Variants in CATSPER2 observed in about 807,000 individuals in gnomAD.
The protein encoded by CATSPER2 is cation channel sperm-associated protein 2.
In CATSPER2, 56 loss-of-function variants were observed where a neutral mutation model predicts 68.8. The ratio of observed to expected loss-of-function variants is 0.81; its 90% CI spans 0.66 to 1.02. The LOEUF (loss-of-function observed/expected upper bound fraction) is 1.02, where lower values mean the gene tolerates loss of function less well. Among genes scored for constraint, CATSPER2 ranks in the 50% least tolerant of loss-of-function variants. The pLI, the probability that CATSPER2 is intolerant of heterozygous loss-of-function variation, is 0.00. For missense variants in CATSPER2, 582 were observed against 642.0 expected (o/e 0.91, Z 1.01); for synonymous variants, 198 against 229.9 (o/e 0.86, Z 1.26).
At chr15:43,638,603 G>C (rs945778318) in intron 7 of CATSPER2, among the ~76,000 whole-genome samples, 13 of 151,696 alleles carry the variant, frequency 8.6e-5, no homozygotes, top group Admixed American at 2.6e-4. Flanking sequence ...TTTCAAAAGA[G>C]GTAACTGAGT....
intron 4 of CATSPER2, among the ~76,000 whole-genome samples, chr15:43,645,441 T>C (rs1455218769): frequency 6.6e-6 from 1 of 151,674 alleles, no homozygotes; most frequent in African/African-American, 2.4e-5. Flanking sequence ...TTGAGGAAAA[T>C]ATCTGTGTGA....
chr15:43,648,289 G>A (rs1365054036), intron 1 of CATSPER2, among the ~76,000 whole-genome samples: 6 of 151,914 alleles, frequency 3.9e-5, no homozygotes, highest in Admixed American at 2.6e-4. Context: ...TCGACCAAGC[G>A]GCCAGGCATC....
chr15:43,630,646 C>T lies in CATSPER2; in HGVS notation c.*55G>A. On this transcript the variant is annotated 3_prime_UTR_variant, in exon 13 of 13. Transcript: ENST00000396879. ...TATATTTTCAATTCTCTATTTCCAACAATTCCCTTCATTATCTTTTGCTGG... is the reference window on the plus strand; with the variant it reads ...TATATTTTCAATTCTCTATTTCCAATAATTCCCTTCATTATCTTTTGCTGG... The T allele has an allele frequency of 6.2e-7, 1 of 1,608,264 alleles. No homozygotes were observed. The highest frequency in any genetic ancestry group is 2.2e-5 in the East Asian group (1 of 44,792).
rs1177967319 is a variant in CATSPER2, at chr15:43,629,541, T to G, written c.*1160A>C. ...TCATACATGTTAAACACTCAATAAG[T>G]GATATAATTTTTAATAATAAACATG... is the stretch of plus-strand genomic sequence containing the variant. On this transcript the variant is annotated 3_prime_UTR_variant, in exon 13 of 13. Transcript: ENST00000396879. 1 of 139,228 alleles carries G rather than the reference T, an allele frequency of 7.2e-6. No individual in the cohort carries two copies. Among genetic ancestry groups the G allele is most frequent in the Non-Finnish European group, 1.5e-5 (1 of 67,104 alleles). 8.6% of individuals were successfully genotyped at this position (139,228 alleles called of 1,614,324 possible).
chr15:43,637,939 C>CTTTTTTTTTTTTTTTTTT (rs780808346), intron 7 of CATSPER2, among the ~76,000 whole-genome samples: 1 of 143,666 alleles, frequency 7.0e-6, no homozygotes. Context: ...TGCTATTATT[C>CTTTTTTTTTTTTTTTTTT]TTTTTTTTTT....
intron 4 of CATSPER2, among the ~76,000 whole-genome samples, chr15:43,641,603 G>T (rs1329950911): frequency 6.6e-6 from 1 of 151,624 alleles, no homozygotes. Flanking sequence ...TCATCCTGAT[G>T]CTGAACTGAA....
Position 43,648,040 on chromosome 15 carries a change from C to G in CATSPER2, c.22G>C (p.Glu8Gln), listed in dbSNP as rs537438961. ...TCAGCTCGGGGAAGCTGCATCTGCT[C>G]TTCTTGTTGGTAAGCGGCCATGTCT... Reference protein sequence around the residue: MAAYQQEEQMQLPRADAI... With the variant: MAAYQQEQQMQLPRADAI... The change falls in exon 2 of 13, where the codon GAG becomes CAG. Residue 8 changes from glutamate (E) to glutamine (Q), a missense_variant. By Grantham distance (29) the Glu-to-Gln change is conservative. Transcript: ENST00000396879. 5 of 1,613,690 alleles carry G rather than the reference C, an allele frequency of 3.1e-6. No individual in the cohort carries two copies. Among genetic ancestry groups the G allele is most frequent in the Non-Finnish European group, 4.2e-6 (5 of 1,179,760 alleles).
chr15:43,648,446 G>T (rs1319804978), intron 1 of CATSPER2, among the ~76,000 whole-genome samples, 183 bp downstream of exon 1: 1 of 152,002 alleles, frequency 6.6e-6, no homozygotes, highest in African/African-American at 2.4e-5. Context: ...GAGACAATCG[G>T]GCAATGAGGT....
rs1219435630 is a variant in CATSPER2 at position 43,635,420 on chromosome 15, C to G, written c.1122-4G>C. The G allele has an allele frequency of 6.3e-7, 1 of 1,594,760 alleles. No individual in the cohort carries two copies. The highest frequency in any genetic ancestry group is 1.4e-5 in the African/African-American group (1 of 70,944). On this transcript the variant is annotated splice_polypyrimidine_tract_variant and splice_region_variant and intron_variant, in intron 9 of 12. Transcript: ENST00000396879. ...TTCATGTGACATGTTTTTTCTCCTG[C>G]AGAGCAAAAAAAAAAAAGAGCAAAG...
At chr15:43,647,524 G>A (rs2086192940) in intron 2 of CATSPER2, 57 bp from the exon 3 acceptor site, 31 of 1,540,212 alleles carry the variant, frequency 2.0e-5, no homozygotes, top group Non-Finnish European at 2.7e-5. Context: ...AGACCAGGTA[G>A]GGTTGGGGGC....
chr15:43,644,676 T>C (rs2141578009), intron 4 of CATSPER2, among the ~76,000 whole-genome samples: 1 of 152,056 alleles, frequency 6.6e-6, no homozygotes, highest in East Asian at 1.9e-4. Flanking sequence ...TGCATGTGCG[T>C]GACCCTTAGG....
Position 43,638,978 on chromosome 15 carries a change from A to C in CATSPER2, c.768T>G (p.Ala256=), listed in dbSNP as rs747799489. ...MLLLIFFYIF[A]VTGVYVFSEY... ...CTGAGAAGACGTAGACACCAGTCAC[A>C]GCAAAAATGTAGAAGAAGATGAGCA... is the stretch of plus-strand genomic sequence containing the variant. Residue 256 remains alanine, a synonymous_variant, in exon 7 of 13, where the codon GCT becomes GCG. Coordinates refer to ENST00000396879, the MANE Select transcript of CATSPER2 (RefSeq NM_172095.4). 5 of 1,613,200 alleles carry C rather than the reference A, an allele frequency of 3.1e-6. 1 individual carries two copies. The highest frequency in any genetic ancestry group is 1.1e-5 in the South Asian group (1 of 91,034).
intron 12 of CATSPER2, 80 bp downstream of exon 12, chr15:43,632,119 T>C: frequency 1.4e-6 from 2 of 1,468,594 alleles, no homozygotes; most frequent in Non-Finnish European, 1.9e-6. Flanking sequence ...GCCAGAATAG[T>C]GGACACCCTC....
Position 43,647,078 on chromosome 15 carries a change from C to T in CATSPER2, c.360G>A (p.Leu120=). ...TTTCAACCATCAATATGATCGTATT[C>T]AAAAAGACCAGGAAGATGATGAAGT... is the stretch of plus-strand genomic sequence containing the variant. The part of the protein sequence containing the change: ...FKNFIIFLVF[L]NTIILMVEIE... Residue 120 remains leucine (L), a synonymous_variant, in exon 4 of 13, where the codon TTG becomes TTA. Coordinates refer to ENST00000396879, the MANE Select transcript of CATSPER2 (RefSeq NM_172095.4). 6.2e-7 allele frequency: 1 copy of T among 1,612,996 alleles called. No homozygotes were observed. Among genetic ancestry groups the T allele is most frequent in the Non-Finnish European group, 8.5e-7 (1 of 1,179,200 alleles).
chr15:43,643,802 C>T (rs531545546), intron 4 of CATSPER2, among the ~76,000 whole-genome samples: 1 of 152,046 alleles, frequency 6.6e-6, no homozygotes, highest in East Asian at 1.9e-4. Flanking sequence ...TTGTAATCTT[C>T]AGGAATATGC....
chr15:43,648,271 T>C (rs762689781), intron 1 of CATSPER2, among the ~76,000 whole-genome samples: 7 of 151,942 alleles, frequency 4.6e-5, no homozygotes, highest in Non-Finnish European at 8.8e-5. Flanking sequence ...GGTAAAGACA[T>C]TGCACAGTCG....
intron 5 of CATSPER2, chr15:43,640,025 T>C: frequency 2.1e-6 from 3 of 1,443,988 alleles, no homozygotes; most frequent in Non-Finnish European, 1.8e-6. Context: ...TTTAATTGGG[T>C]TGTTGTGGAG....
At chr15:43,648,212 C>T in intron 1 of CATSPER2, 149 bp from the exon 2 acceptor site, 3 of 965,480 alleles carry the variant, frequency 3.1e-6, no homozygotes, top group Non-Finnish European at 5.0e-6. Flanking sequence ...TTGGGAAGAA[C>T]AAACATTCTA....
In CATSPER2 at chr15:43,637,182, C is replaced by T. The variant is rs146130677; in HGVS notation, c.843-963G>A. 3.3e-3 allele frequency among the ~76,000 whole-genome samples: 503 copies of T among 151,912 alleles called. 15 individuals are homozygous for T. Among genetic ancestry groups the T allele is most frequent in the African/African-American group, 0.011 (472 of 41,412 alleles). ...ACTCCACTTAATAGAAGATCACTCG[C>T]AAATTTAGCAAAATTTAGCAAAATT... On this transcript the variant is annotated intron_variant, in intron 7 of 12. Coordinates refer to ENST00000396879, the MANE Select transcript of CATSPER2 (RefSeq NM_172095.4).
Sources: gnomAD v4.1 joint callset for allele counts (sites outside exome capture counted in the v4.1 genomes callset) on GRCh38, gnomAD v4.1.1 for gene constraint, MANE v1.5 for transcripts, NCBI Gene and HGNC (gene_info 2026-07-23, HGNC 2026-07-21) for gene names.